Variants in KIAA1549L observed in about 807,000 individuals in gnomAD.
KIAA1549L encodes the protein KIAA1549 like.
Under a neutral mutation model 160.7 loss-of-function variants are expected in KIAA1549L, and 88 were observed. The observed-to-expected ratio is 0.55, with a 90% CI of 0.46 to 0.65. The LOEUF is 0.65. Among genes scored for constraint, KIAA1549L ranks in the 30% least tolerant of loss-of-function variants. KIAA1549L has a pLI of 0.00. For synonymous variants in KIAA1549L, 950 were observed against 976.7 expected, an observed-to-expected ratio of 0.97 and a Z score of 0.51; for missense variants, 2,258 against 2,437.5, an observed-to-expected ratio of 0.93 and a Z score of 1.55.
intron 1 of KIAA1549L, among the ~76,000 whole-genome samples, chr11:33,407,182 T>C (rs1230033227): frequency 1.4e-5 from 2 of 145,628 alleles, no homozygotes; most frequent in Admixed American, 1.4e-4. Flanking sequence ...CCTCCCGGGT[T>C]CACGCCATTC....
chr11:33,657,398 G>A (rs538574513), intron 18 of KIAA1549L, among the ~76,000 whole-genome samples: 1 of 152,014 alleles, frequency 6.6e-6, no homozygotes, highest in Non-Finnish European at 1.5e-5. Context: ...TATCGGGGGT[G>A]GGGGGTGCAC....
At chr11:33,606,120 A>G (rs1850493308) in intron 13 of KIAA1549L, among the ~76,000 whole-genome samples, 1 of 145,318 alleles carries the variant, frequency 6.9e-6, no homozygotes. Context: ...AACAACCTTC[A>G]GAAGAGGAAA....
At chr11:33,604,925 C>T (rs565644188) in intron 13 of KIAA1549L, among the ~76,000 whole-genome samples, 4 of 152,136 alleles carry the variant, frequency 2.6e-5, no homozygotes, top group South Asian at 4.2e-4. Flanking sequence ...AACCAAAAAT[C>T]GCTTGAACCC....
intron 17 of KIAA1549L, among the ~76,000 whole-genome samples, chr11:33,648,034 G>A (rs1005852422): frequency 2.6e-5 from 4 of 152,120 alleles, no homozygotes; most frequent in Non-Finnish European, 5.9e-5. Flanking sequence ...TGTCACCCAG[G>A]CTGGAGTGCA....
At chr11:33,420,556 G>A (rs1403597786) in intron 1 of KIAA1549L, among the ~76,000 whole-genome samples, 1 of 152,072 alleles carries the variant, frequency 6.6e-6, no homozygotes, top group Non-Finnish European at 1.5e-5. Context: ...TAGTTAAGCT[G>A]TTCTGAAGAA....
At chr11:33,469,805 T>C (rs1396431749) in intron 1 of KIAA1549L, among the ~76,000 whole-genome samples, 3 of 152,228 alleles carry the variant, frequency 2.0e-5, no homozygotes. Flanking sequence ...GTAATGACTG[T>C]TTTTATGTCT....
intron 1 of KIAA1549L, among the ~76,000 whole-genome samples, chr11:33,435,820 A>ATATATATATATATG (rs1451645887): frequency 1.8e-4 from 8 of 44,756 alleles, no homozygotes; most frequent in Non-Finnish European, 3.1e-4. Context: ...ATGTGTGTGT[A>ATATATATATATATG]TATATATATA....
At chr11:33,518,206 A>C in intron 1 of KIAA1549L, among the ~76,000 whole-genome samples, 1 of 150,854 alleles carries the variant, frequency 6.6e-6, no homozygotes, top group East Asian at 1.9e-4. Flanking sequence ...GGCAAGATTA[A>C]TCTATGTCTA....
intron 1 of KIAA1549L, among the ~76,000 whole-genome samples, chr11:33,421,046 C>T (rs559425184): frequency 3.3e-5 from 5 of 152,286 alleles, no homozygotes; most frequent in African/African-American, 9.6e-5. Context: ...GTTAGCTCTG[C>T]AAACAAATGA....
chr11:33,503,859 C>T (rs2756276), intron 1 of KIAA1549L, among the ~76,000 whole-genome samples: 65,247 of 152,158 alleles, frequency 0.43, 14,151 homozygotes, highest in Middle Eastern at 0.55. Context: ...TTGGCTTGCT[C>T]TTCCAAAATG....
chr11:33,548,198 A>C (rs1294465584), intron 4 of KIAA1549L, among the ~76,000 whole-genome samples: 2 of 152,136 alleles, frequency 1.3e-5, no homozygotes, highest in African/African-American at 2.4e-5. Flanking sequence ...CAGGAGTTTG[A>C]GACCGGTCTG....
intron 1 of KIAA1549L, among the ~76,000 whole-genome samples, chr11:33,486,628 G>T (rs1455954393): frequency 6.6e-6 from 1 of 151,644 alleles, no homozygotes; most frequent in African/African-American, 2.4e-5. Context: ...AATGATTTCT[G>T]ATAGAGACAC....
At chr11:33,583,293 C>A in intron 10 of KIAA1549L, 45 bp from the exon 11 acceptor site, 1 of 1,558,230 alleles carries the variant, frequency 6.4e-7, no homozygotes, top group African/African-American at 1.4e-5. Context: ...CTTTCCTCTT[C>A]CCAGTGTTGC....
intron 16 of KIAA1549L, among the ~76,000 whole-genome samples, chr11:33,639,687 G>A (rs1304159261): frequency 2.0e-5 from 3 of 152,084 alleles, no homozygotes; most frequent in Non-Finnish European, 2.9e-5. Context: ...TCACAGGCGC[G>A]CGCTACCTCG....
chr11:33,535,843 A>G (rs572392824), intron 1 of KIAA1549L, among the ~76,000 whole-genome samples: 2 of 152,108 alleles, frequency 1.3e-5, no homozygotes, highest in South Asian at 4.2e-4. Flanking sequence ...GTGTGTTTTA[A>G]GTTCTCTGTA....
intron 13 of KIAA1549L, among the ~76,000 whole-genome samples, chr11:33,604,168 T>G (rs975769674): frequency 6.6e-6 from 1 of 152,208 alleles, no homozygotes; most frequent in African/African-American, 2.4e-5. Flanking sequence ...TATCTACATT[T>G]ATTATCTCAT....
chr11:33,552,653 AACACACACACACACACAC>A (rs761358417), intron 6 of KIAA1549L, among the ~76,000 whole-genome samples: 62 of 131,516 alleles, frequency 4.7e-4, no homozygotes, highest in Middle Eastern at 3.8e-3. Flanking sequence ...GACACATGCC[AACACACACACACACACAC>A]ACACACACAC....
At chr11:33,584,446 C>T (rs560553627) in intron 11 of KIAA1549L, among the ~76,000 whole-genome samples, 2 of 152,318 alleles carry the variant, frequency 1.3e-5, no homozygotes, top group South Asian at 4.1e-4. Flanking sequence ...CTGCGGCCTC[C>T]ACATCTCTGC....
At chr11:33,487,134 G>A (rs1429552843) in intron 1 of KIAA1549L, among the ~76,000 whole-genome samples, 2 of 152,194 alleles carry the variant, frequency 1.3e-5, no homozygotes, top group East Asian at 1.9e-4. Context: ...TCTAATAATG[G>A]AAAGTCTAGT....
Sources: allele counts gnomAD v4.1 joint callset (sites outside exome capture counted in the v4.1 genomes callset), GRCh38; gene constraint gnomAD v4.1.1; transcripts MANE v1.5; gene names NCBI Gene and HGNC (gene_info 2026-07-23, HGNC 2026-07-21).